MLLT10: variants seen among roughly 807,000 people sequenced by gnomAD.
MLLT10 encodes the protein MLLT10 histone lysine methyltransferase DOT1L cofactor.
A neutral mutation model predicts 129.1 loss-of-function variants in MLLT10; 30 were observed. The observed-to-expected ratio is 0.23, with a 90% CI of 0.17 to 0.32. The LOEUF (loss-of-function observed/expected upper bound fraction) is 0.32, where lower values mean the gene tolerates loss of function less well. Ranked by LOEUF, MLLT10 falls within the 10% of genes least tolerant of loss-of-function variation. The pLI is 1.00. For synonymous variants in MLLT10, 490 were observed against 446.4 expected, an observed-to-expected ratio of 1.10 and a Z score of -1.23; for missense variants, 1,119 against 1,268.3, an observed-to-expected ratio of 0.88 and a Z score of 1.79.
chr10:21,651,128 G>T lies in MLLT10; in HGVS notation c.700-545G>T, dbSNP rs1476094842. Reference sequence around the variant, plus strand: ...ACACTGTTGCCCAGGCTCGGGTGCAGTGGAACGATCTTGGCTCACCACAAC... The same window carrying T: ...ACACTGTTGCCCAGGCTCGGGTGCATTGGAACGATCTTGGCTCACCACAAC... On this transcript the variant is annotated intron_variant, in intron 8 of 22. Coordinates refer to ENST00000307729, the MANE Select transcript of MLLT10 (RefSeq NM_001195626.3). Among the ~76,000 whole-genome samples the T allele has an allele frequency of 9.2e-5, 14 of 152,146 alleles. 1 individual carries two copies. Among genetic ancestry groups the T allele is most frequent in the Admixed American group, 8.5e-4 (13 of 15,274 alleles).
In MLLT10 at chr10:21,673,481, G is replaced by T; in HGVS notation, c.1183G>T (p.Ala395Ser). Residue 395 changes from alanine (A) to serine (S), a missense_variant, in exon 11 of 23, where the codon GCA becomes TCA. Transcript: ENST00000307729. ...DSYSHSQQSS[A>S]TKDVHKGESG... ...TTACTCTCACTCCCAACAGTCATCAGCAACCAAAGATGTACATAAAGGAGA... is the reference window on the plus strand; with the variant it reads ...TTACTCTCACTCCCAACAGTCATCATCAACCAAAGATGTACATAAAGGAGA... 1 of 1,613,950 alleles carries T rather than the reference G, an allele frequency of 6.2e-7. No homozygotes were observed. The highest frequency in any genetic ancestry group is 8.5e-7 in the Non-Finnish European group (1 of 1,179,994).
intron 3 of MLLT10, among the ~76,000 whole-genome samples, chr10:21,553,931 T>A (rs1268759550): frequency 1.3e-5 from 2 of 152,218 alleles, no homozygotes; most frequent in Non-Finnish European, 1.5e-5. Context: ...ATTACAGGCA[T>A]GAGCCGCTGC....
chr10:21,720,743 G>C (rs1306778189), intron 14 of MLLT10, among the ~76,000 whole-genome samples: 1 of 152,142 alleles, frequency 6.6e-6, no homozygotes, highest in African/African-American at 2.4e-5. Flanking sequence ...AATATAATTG[G>C]TAAGTTGTAT....
chr10:21,673,301 T>TTG, intron 10 of MLLT10, 49 bp from the exon 11 acceptor site: 4 of 237,942 alleles, frequency 1.7e-5, no homozygotes, highest in East Asian at 7.3e-5. Flanking sequence ...AATTTTTCTG[T>TTG]CCCCCCCACC....
chr10:21,662,309 T>A (rs1043944939), intron 9 of MLLT10, among the ~76,000 whole-genome samples: 1 of 152,226 alleles, frequency 6.6e-6, no homozygotes, highest in Admixed American at 6.5e-5. Flanking sequence ...ATATTGCTTC[T>A]TCTCTTTTCT....
chr10:21,546,225 G>A (rs2036053429), intron 3 of MLLT10, among the ~76,000 whole-genome samples: 1 of 151,342 alleles, frequency 6.6e-6, no homozygotes, highest in African/African-American at 2.4e-5. Flanking sequence ...TTACAGGCAT[G>A]TGCCACGATG....
At chr10:21,549,053 T>C (rs2036548157) in intron 3 of MLLT10, among the ~76,000 whole-genome samples, 1 of 152,062 alleles carries the variant, frequency 6.6e-6, no homozygotes. Context: ...TTGCCTTTGC[T>C]CTCTGTCTTT....
intron 2 of MLLT10, among the ~76,000 whole-genome samples, chr10:21,535,161 C>T (rs568277660): frequency 1.4e-5 from 2 of 146,876 alleles, no homozygotes; most frequent in African/African-American, 2.5e-5. Flanking sequence ...GCGCCCTTCC[C>T]GGGGTTCCCG....
At chr10:21,583,604 TAC>T (rs961643737) in intron 3 of MLLT10, among the ~76,000 whole-genome samples, 1 of 152,128 alleles carries the variant, frequency 6.6e-6, no homozygotes, top group African/African-American at 2.4e-5. Context: ...AGGAAACTTT[TAC>T]TCATGGGGCA....
chr10:21,693,901 C>G (rs549720502), intron 13 of MLLT10, among the ~76,000 whole-genome samples: 1 of 151,930 alleles, frequency 6.6e-6, no homozygotes, highest in Non-Finnish European at 1.5e-5. Flanking sequence ...TTTTATTAGA[C>G]TATTGAGTGA....
chr10:21,696,729 C>G (rs1323123756), intron 13 of MLLT10, among the ~76,000 whole-genome samples: 3 of 151,802 alleles, frequency 2.0e-5, no homozygotes, highest in African/African-American at 7.3e-5. Flanking sequence ...ATTGAAATTC[C>G]TCGAGCCGCT....
chr10:21,737,097 G>C (rs1668918582), intron 21 of MLLT10, among the ~76,000 whole-genome samples: 2 of 152,136 alleles, frequency 1.3e-5, no homozygotes, highest in Admixed American at 1.3e-4. Context: ...GCGTGCTGGT[G>C]CATGCCTGTG....
chr10:21,712,434 G>GT (rs956889789), intron 13 of MLLT10, among the ~76,000 whole-genome samples: 14 of 152,010 alleles, frequency 9.2e-5, no homozygotes, highest in African/African-American at 2.7e-4. Flanking sequence ...CTATGTTGAT[G>GT]TTTTTTTGGA....
chr10:21,735,276 G>A (rs2058270175), intron 21 of MLLT10, 41 bp downstream of exon 21: 2 of 1,405,888 alleles, frequency 1.4e-6, no homozygotes, highest in Non-Finnish European at 2.0e-6. Flanking sequence ...AGGAGCATGT[G>A]TTCTAAGCTG....
intron 8 of MLLT10, among the ~76,000 whole-genome samples, chr10:21,646,083 T>G (rs2048445110): frequency 6.6e-6 from 1 of 152,138 alleles, no homozygotes; most frequent in Non-Finnish European, 1.5e-5. Context: ...TACACACCTG[T>G]AATCCCAGCT....
At chr10:21,610,934 A>G (rs1206278801) in intron 5 of MLLT10, among the ~76,000 whole-genome samples, 1 of 139,236 alleles carries the variant, frequency 7.2e-6, no homozygotes, top group African/African-American at 2.6e-5. Flanking sequence ...GTATAAAATG[A>G]TGTTTGTAAT....
At chr10:21,542,905 G>GCA in intron 3 of MLLT10, among the ~76,000 whole-genome samples, 1 of 152,108 alleles carries the variant, frequency 6.6e-6, no homozygotes, top group East Asian at 1.9e-4. Flanking sequence ...AGTTTTTGCA[G>GCA]GGGGGCATTT....
chr10:21,622,103 A>G (rs2045922117), intron 8 of MLLT10, among the ~76,000 whole-genome samples: 1 of 148,882 alleles, frequency 6.7e-6, no homozygotes, highest in Non-Finnish European at 1.5e-5. Context: ...ATGGTGAAAT[A>G]TGGCTTCGAA....
chr10:21,552,834 A>C (rs2037307590), intron 3 of MLLT10, among the ~76,000 whole-genome samples: 1 of 141,494 alleles, frequency 7.1e-6, no homozygotes, highest in Non-Finnish European at 1.6e-5. Flanking sequence ...CCTCTCTTTG[A>C]TTTTATTCTT....
Sources: gnomAD v4.1 joint callset for allele counts (sites outside exome capture counted in the v4.1 genomes callset) on GRCh38, gnomAD v4.1.1 for gene constraint, MANE v1.5 for transcripts, NCBI Gene and HGNC (gene_info 2026-07-23, HGNC 2026-07-21) for gene names.